Variants in MGAT4C observed in about 807,000 individuals in gnomAD.
MGAT4C encodes alpha-1,3-mannosyl-glycoprotein 4-beta-N-acetylglucosaminyltransferase C.
MGAT4C carries 19 observed loss-of-function variants against 40.1 expected under a neutral mutation model. The ratio of observed to expected loss-of-function variants is 0.47; its 90% CI spans 0.33 to 0.70. The LOEUF is 0.70. Ranked by LOEUF, MGAT4C falls within the 30% of genes least tolerant of loss-of-function variation. The pLI is 0.02. For synonymous variants in MGAT4C, 181 were observed against 187.1 expected (o/e 0.97, Z 0.27); for missense variants, 491 against 563.2 (o/e 0.87, Z 1.30).
intron 2 of MGAT4C, among the ~76,000 whole-genome samples, chr12:86,496,710 A>G (rs1480080587): frequency 6.6e-6 from 1 of 152,062 alleles, no homozygotes. Flanking sequence ...TTCTATTAAA[A>G]GGTAAACACT....
chr12:86,365,352 C>T (rs562827694), intron 3 of MGAT4C, among the ~76,000 whole-genome samples: 2 of 152,240 alleles, frequency 1.3e-5, no homozygotes, highest in South Asian at 4.1e-4. Context: ...AACACACATG[C>T]TCTACAAACA....
rs565016291 is a variant in MGAT4C, at chr12:85,994,003, G to A, written c.-6-4451C>T. 2.5e-3 allele frequency among the ~76,000 whole-genome samples: 380 copies of A among 152,262 alleles called. 2 individuals carry two copies. The highest frequency in any genetic ancestry group is 5.0e-3 in the South Asian group (24 of 4,830). Reference sequence around the variant, plus strand: ...AGAGAAGTCTGGATTCTGCACCTGGGAGGGCAGCTGCAGTGGCTCCTAGGG... The same window carrying A: ...AGAGAAGTCTGGATTCTGCACCTGGAAGGGCAGCTGCAGTGGCTCCTAGGG... On this transcript the variant is annotated intron_variant, in intron 2 of 4. Coordinates refer to ENST00000611864, the MANE Select transcript of MGAT4C (RefSeq NM_001351288.2).
At chr12:86,305,366 G>T (rs1266907806) in intron 4 of MGAT4C, among the ~76,000 whole-genome samples, 1 of 149,404 alleles carries the variant, frequency 6.7e-6, no homozygotes, top group Non-Finnish European at 1.5e-5. Context: ...TTGAACTGAG[G>T]AGGCAGATAT....
chr12:86,448,445 T>C (rs1328895757), intron 2 of MGAT4C, among the ~76,000 whole-genome samples: 1 of 152,200 alleles, frequency 6.6e-6, no homozygotes, highest in Non-Finnish European at 1.5e-5. Context: ...AAGCATAGCC[T>C]TCTCCTTACC....
At chr12:86,268,614 G>A (rs941912079) in intron 4 of MGAT4C, among the ~76,000 whole-genome samples, 4 of 139,910 alleles carry the variant, frequency 2.9e-5, no homozygotes, top group Admixed American at 2.2e-4. Context: ...ATATTTTGTT[G>A]TAGTTATTTA....
In MGAT4C at chr12:86,618,185, G is replaced by A. The variant is rs182302915; in HGVS notation, c.-229+109024C>T. Among the ~76,000 whole-genome samples the A allele has an allele frequency of 1.9e-3, 288 of 149,518 alleles. 1 individual carries two copies. Among genetic ancestry groups the A allele is most frequent in the African/African-American group, 6.9e-3 (273 of 39,310 alleles). ...TCCAAATGACAAAAAATAACTAATG[G>A]TGGCAAAGATGAAAAGAAAGAATTC... On this transcript the variant is annotated intron_variant, in intron 2 of 7. Coordinates refer to the MGAT4C transcript ENST00000548651.
intron 3 of MGAT4C, among the ~76,000 whole-genome samples, chr12:86,406,160 A>T (rs943214737): frequency 6.6e-6 from 1 of 150,428 alleles, no homozygotes; most frequent in African/African-American, 2.4e-5. Flanking sequence ...AATATAAAGC[A>T]TAAGTAAAAA....
intron 4 of MGAT4C, among the ~76,000 whole-genome samples, chr12:86,285,406 C>T (rs1953329028): frequency 6.6e-6 from 1 of 151,954 alleles, no homozygotes; most frequent in Non-Finnish European, 1.5e-5. Flanking sequence ...TAATAAAAAT[C>T]AATATATATT....
intron 1 of MGAT4C, among the ~76,000 whole-genome samples, chr12:86,825,053 G>T (rs537179909): frequency 2.0e-5 from 3 of 151,228 alleles, no homozygotes; most frequent in African/African-American, 7.3e-5. Context: ...TAGAAAAACC[G>T]CTAGAGTAGG....
intron 2 of MGAT4C, among the ~76,000 whole-genome samples, chr12:86,602,385 T>C (rs928507977): frequency 2.6e-5 from 4 of 152,230 alleles, no homozygotes; most frequent in Admixed American, 6.5e-5. Context: ...AAAGTGATCA[T>C]GTATATGCCC....
intron 2 of MGAT4C, among the ~76,000 whole-genome samples, chr12:86,462,422 G>C (rs1957615285): frequency 6.6e-6 from 1 of 152,178 alleles, no homozygotes; most frequent in African/African-American, 2.4e-5. Flanking sequence ...GGAGGAGATG[G>C]AGACATTACA....
intron 3 of MGAT4C, among the ~76,000 whole-genome samples, chr12:85,988,573 TTAA>T: frequency 6.6e-6 from 1 of 151,956 alleles, no homozygotes; most frequent in Middle Eastern, 3.2e-3. Context: ...TCTATAAATA[TTAA>T]TAATAACATA....
At chr12:86,803,885 A>G (rs1018538248) in intron 1 of MGAT4C, among the ~76,000 whole-genome samples, 1 of 150,552 alleles carries the variant, frequency 6.6e-6, no homozygotes, top group African/African-American at 2.5e-5. Context: ...AGAACTAGAA[A>G]TACCATTTGA....
intron 2 of MGAT4C, chr12:86,015,831 C>T (rs760270812): frequency 6.6e-6 from 1 of 152,164 alleles, no homozygotes; most frequent in Non-Finnish European, 1.5e-5. Flanking sequence ...TGACCAATTA[C>T]TTTTATTTCT....
intron 2 of MGAT4C, among the ~76,000 whole-genome samples, chr12:86,569,419 TA>T (rs1565855836): frequency 6.6e-6 from 1 of 152,060 alleles, no homozygotes; most frequent in Non-Finnish European, 1.5e-5. Context: ...TGGGTATATT[TA>T]AAAAGTTTGA....
chr12:86,147,521 G>A (rs994289465), intron 1 of MGAT4C, among the ~76,000 whole-genome samples: 1 of 152,208 alleles, frequency 6.6e-6, no homozygotes, highest in African/African-American at 2.4e-5. Flanking sequence ...GATTACAGGC[G>A]TGAGCCACCG....
chr12:86,458,058 C>T (rs1172449932), intron 2 of MGAT4C, among the ~76,000 whole-genome samples: 2 of 151,940 alleles, frequency 1.3e-5, no homozygotes, highest in African/African-American at 4.8e-5. Flanking sequence ...AAAGACAAAT[C>T]ACTACCAACA....
At chr12:86,588,418 C>T (rs1190292099) in intron 2 of MGAT4C, among the ~76,000 whole-genome samples, 1 of 151,896 alleles carries the variant, frequency 6.6e-6, no homozygotes, top group African/African-American at 2.4e-5. Context: ...CCTGAGTGAC[C>T]TACAAAGAGA....
intron 2 of MGAT4C, among the ~76,000 whole-genome samples, chr12:86,674,360 T>G (rs1397809359): frequency 6.6e-6 from 1 of 152,202 alleles, no homozygotes; most frequent in Admixed American, 6.6e-5. Context: ...CTATGCATTT[T>G]CTTCCTATTT....
Sources: gnomAD v4.1 joint callset for allele counts (sites outside exome capture counted in the v4.1 genomes callset) on GRCh38, gnomAD v4.1.1 for gene constraint, MANE v1.5 for transcripts, NCBI Gene and HGNC (gene_info 2026-07-23, HGNC 2026-07-21) for gene names.